Variants in IFIT3 observed in about 807,000 individuals in gnomAD.
The protein encoded by IFIT3 is interferon induced protein with tetratricopeptide repeats 3.
IFIT3 carries 2 observed loss-of-function variants against 2.4 expected under a neutral mutation model. That is an observed-to-expected ratio of 0.82 (90% confidence interval 0.34 to 2.60). IFIT3 has a LOEUF of 2.60. IFIT3 is among the 30% of genes most tolerant of loss of function. The probability of loss-of-function intolerance (pLI) is 0.11; values close to 1 mark genes in which losing one functional copy is unlikely to be tolerated. For missense variants in IFIT3, 481 were observed against 562.4 expected (o/e 0.86, Z 1.46); for synonymous variants, 203 against 212.1 (o/e 0.96, Z 0.37).
intron 1 of IFIT3, among the ~76,000 whole-genome samples, chr10:89,336,551 C>T (rs17119593): frequency 6.6e-6 from 1 of 152,152 alleles, no homozygotes; most frequent in African/African-American, 2.4e-5. Flanking sequence ...GGCCAGTGCT[C>T]GTCCATGGTA....
rs79100808 is a variant in IFIT3, at chr10:89,338,916, C to T, written c.261C>T (p.Asp87=). The T allele has an allele frequency of 3.0e-4, 482 of 1,614,108 alleles. No homozygotes were observed. The African/African-American group carries it at 5.7e-3, about 19-fold the overall frequency. The change falls in exon 2 of 2, where the codon GAC becomes GAT. Residue 87 remains aspartate (D), a synonymous_variant. Coordinates refer to ENST00000371818, the MANE Select transcript of IFIT3 (RefSeq NM_001549.6). ...AEELIQQEHA[D]QAEIRSLVTW... is the part of the protein sequence containing the mutation. ...AGTTAATCCAGCAAGAACATGCTGA[C>T]CAAGCAGAAATCAGAAGTCTAGTCA...
intron 1 of IFIT3, among the ~76,000 whole-genome samples, chr10:89,333,820 A>G (rs1843688235): frequency 6.6e-6 from 1 of 152,204 alleles, no homozygotes; most frequent in Admixed American, 6.5e-5. Flanking sequence ...ATCCCCCGGG[A>G]GGTTGTAAGA....
chr10:89,335,382 G>C (rs762764546), intron 1 of IFIT3: 1 of 151,994 alleles, frequency 6.6e-6, no homozygotes, highest in Non-Finnish European at 1.5e-5. Context: ...GTGCTTTTCT[G>C]CTTGTCCAAC....
rs535864512 is a variant in IFIT3 at position 89,340,921 on chromosome 10, A to T, written c.*793A>T. On this transcript the variant is annotated 3_prime_UTR_variant, in exon 2 of 2. Coordinates refer to ENST00000371818, the MANE Select transcript of IFIT3 (RefSeq NM_001549.6). ...GATAGCAATACCATAATCAATGTGT[A>T]TTCCTGATAGTAATGCTACAATAAA... The T allele has an allele frequency of 6.6e-6, 1 of 152,268 alleles. No individual in the cohort carries two copies. Among genetic ancestry groups the T allele is most frequent in the African/African-American group, 2.4e-5 (1 of 41,472 alleles). 9.4% of individuals were successfully genotyped at this position (152,268 alleles called of 1,614,324 possible).
At position 89,339,276 on chromosome 10, in the gene IFIT3, A is replaced by G; in HGVS notation, c.621A>G (p.Gln207=). ...CCATTGAGCTGAGTCCTGATAACCA[A>G]TACGTCAAGGTTCTCTTGGGCCTGA... ...KQAIELSPDN[Q]YVKVLLGLKL... The change falls in exon 2 of 2, where the codon CAA becomes CAG. Residue 207 remains glutamine, a synonymous_variant. Coordinates refer to ENST00000371818, the MANE Select transcript of IFIT3 (RefSeq NM_001549.6). 2 of 1,614,194 alleles carry G rather than the reference A, an allele frequency of 1.2e-6. No homozygotes were observed. Among genetic ancestry groups the G allele is most frequent in the Non-Finnish European group, 1.7e-6 (2 of 1,180,016 alleles).
In IFIT3 at chr10:89,339,868, G is replaced by A; in HGVS notation, c.1213G>A (p.Val405Ile). Residue 405 changes from valine (V) to isoleucine (I), a missense_variant, in exon 2 of 2, where the codon GTA becomes ATA. Transcript: ENST00000371818. ...AGAGATCAAAGACCAACCACAGAATGTATCTGAAAATCTGCTTCCACAAAA... is the reference window on the plus strand; with the variant it reads ...AGAGATCAAAGACCAACCACAGAATATATCTGAAAATCTGCTTCCACAAAA... ...KEEIKDQPQN[V>I]SENLLPQNAP... 1.2e-6 allele frequency: 2 copies of A among 1,614,224 alleles called. No individual in the cohort carries two copies. The highest frequency in any genetic ancestry group is 1.7e-6 in the Non-Finnish European group (2 of 1,180,028).
At chr10:89,331,040 T>A (rs1653929001) in intron 1 of IFIT3, among the ~76,000 whole-genome samples, 1 of 152,186 alleles carries the variant, frequency 6.6e-6, no homozygotes, top group African/African-American at 2.4e-5. Context: ...AGGGCAGCAG[T>A]CCCAGGAGTA....
At chr10:89,332,516 A>G (rs950871188) in intron 1 of IFIT3, 7 of 1,608,492 alleles carry the variant, frequency 4.4e-6, no homozygotes, top group East Asian at 2.3e-5. Context: ...GCACAGACCT[A>G]ACAGCACCCT....
Position 89,340,106 on chromosome 10 carries a change from C to G in IFIT3, c.1451C>G (p.Ser484Cys). Residue 484 changes from serine to cysteine, a missense_variant, in exon 2 of 2, where the codon TCT (serine) becomes TGT (cysteine). By Grantham distance (112) the Ser-to-Cys change is moderately radical. Transcript: ENST00000371818. ...AGCTCCAGTCCCAGAGAGCTCCTCT[C>G]TAACTCAGAGCAACTGAACTGAGAC... ...AVSSSPRELL[S>C]NSEQLN 3 of 1,601,894 alleles carry G rather than the reference C, an allele frequency of 1.9e-6. No individual in the cohort carries two copies. The highest frequency in any genetic ancestry group is 2.2e-5 in the South Asian group (2 of 89,944).
chr10:89,332,852 G>A (rs895378477), intron 1 of IFIT3, among the ~76,000 whole-genome samples: 13 of 151,974 alleles, frequency 8.6e-5, no homozygotes, highest in East Asian at 7.7e-4. Context: ...GGGAAGGGAC[G>A]GGGCATATTG....
At chr10:89,328,904 A>G (rs1843623989) in intron 1 of IFIT3, among the ~76,000 whole-genome samples, 1 of 152,200 alleles carries the variant, frequency 6.6e-6, no homozygotes, top group East Asian at 1.9e-4. Flanking sequence ...GGAATAGTCT[A>G]TAGGGAGGTA....
Position 89,338,936 on chromosome 10 carries a change from T to G in IFIT3, c.281T>G (p.Leu94Arg). ...GCTGACCAAGCAGAAATCAGAAGTC[T>G]AGTCACTTGGGGAAACTACGCCTGG... ...EHADQAEIRS[L>R]VTWGNYAWVY... Residue 94 changes from leucine to arginine, a missense_variant, in exon 2 of 2, where the codon CTA becomes CGA. Leu to Arg is a moderately radical substitution (Grantham distance 102). Coordinates refer to ENST00000371818, the MANE Select transcript of IFIT3 (RefSeq NM_001549.6). The G allele has an allele frequency of 6.2e-7, 1 of 1,614,162 alleles. No individual in the cohort carries two copies. Among genetic ancestry groups the G allele is most frequent in the African/African-American group, 1.3e-5 (1 of 75,044 alleles).
In IFIT3 at chr10:89,339,267, T is replaced by C. The variant is rs1361571254; in HGVS notation, c.612T>C (p.Pro204=). The change falls in exon 2 of 2, where the codon CCT becomes CCC. Residue 204 remains proline (P), a synonymous_variant. Transcript: ENST00000371818. ...DVLKQAIELS[P]DNQYVKVLLG... is the part of the protein sequence containing the mutation. ...TGAAGCAGGCCATTGAGCTGAGTCC[T>C]GATAACCAATACGTCAAGGTTCTCT... The C allele has an allele frequency of 6.2e-7, 1 of 1,614,240 alleles. No individual in the cohort carries two copies. Among genetic ancestry groups the C allele is most frequent in the Admixed American group, 1.7e-5 (1 of 60,024 alleles).
chr10:89,328,209 C>A, intron 1 of IFIT3, 131 bp downstream of exon 1: 1 of 950,700 alleles, frequency 1.1e-6, no homozygotes, highest in Non-Finnish European at 1.6e-6. Flanking sequence ...TCAGTCTGAG[C>A]ATTTGTAAGA....
chr10:89,332,541 TC>T, intron 1 of IFIT3: 1 of 1,613,374 alleles, frequency 6.2e-7, no homozygotes. Flanking sequence ...GGAAACCTCT[TC>T]AGCATTTGCT....
At chr10:89,338,296 C>A in intron 1 of IFIT3, 1 of 180,792 alleles carries the variant, frequency 5.5e-6, no homozygotes, top group South Asian at 1.3e-4. Flanking sequence ...AGTCTGAGAA[C>A]CAGGTAAGCC....
chr10:89,330,758 C>A (rs1025377154), intron 1 of IFIT3, among the ~76,000 whole-genome samples: 1 of 149,882 alleles, frequency 6.7e-6, no homozygotes, highest in Non-Finnish European at 1.5e-5. Context: ...ACTCAAGATG[C>A]CTGATAATGC....
intron 1 of IFIT3, among the ~76,000 whole-genome samples, chr10:89,328,461 T>C (rs924816016): frequency 4.6e-5 from 7 of 152,298 alleles, no homozygotes; most frequent in African/African-American, 1.7e-4. Flanking sequence ...CTCTTTTGGG[T>C]TTTTCTGTTA....
chr10:89,338,715 C>T lies in IFIT3; in HGVS notation c.60C>T (p.Phe20=), dbSNP rs764722879. The change falls in exon 2 of 2, where the codon TTC becomes TTT. Residue 20 remains phenylalanine (F), a synonymous_variant. Coordinates refer to ENST00000371818, the MANE Select transcript of IFIT3 (RefSeq NM_001549.6). Reference sequence around the variant, plus strand: ...TCCTTCCACAGCTGAAATGCCATTTCACCTGGAACTTATTCAAGGAAGACA... The same window carrying T: ...TCCTTCCACAGCTGAAATGCCATTTTACCTGGAACTTATTCAAGGAAGACA... ...EKILPQLKCH[F]TWNLFKEDSV... The T allele has an allele frequency of 6.2e-7, 1 of 1,613,774 alleles. No homozygotes were observed.
Sources: allele counts gnomAD v4.1 joint callset (sites outside exome capture counted in the v4.1 genomes callset), GRCh38; gene constraint gnomAD v4.1.1; transcripts MANE v1.5; gene names NCBI Gene and HGNC (gene_info 2026-07-23, HGNC 2026-07-21).